Variants in DAPP1 observed in about 807,000 individuals in gnomAD.
The protein encoded by DAPP1 is dual adaptor of phosphotyrosine and 3-phosphoinositides 1.
In DAPP1, 20 loss-of-function variants were observed where a neutral mutation model predicts 41.5. The ratio of observed to expected loss-of-function variants is 0.48; its 90% CI spans 0.34 to 0.70. DAPP1 has a LOEUF of 0.70. DAPP1 is among the 30% of genes least tolerant of loss of function. The pLI is 0.01. For missense variants in DAPP1, 233 were observed against 333.4 expected (o/e 0.70, Z 2.35); for synonymous variants, 113 against 116.2 (o/e 0.97, Z 0.18).
intron 1 of DAPP1, among the ~76,000 whole-genome samples, chr4:99,831,646 T>A (rs1723123871): frequency 6.6e-6 from 1 of 152,194 alleles, no homozygotes; most frequent in South Asian, 2.1e-4. Flanking sequence ...AGAAGAGGAA[T>A]CGCTGGTCAT....
chr4:99,847,985 TG>T (rs1426733471), intron 3 of DAPP1, among the ~76,000 whole-genome samples: 1 of 151,890 alleles, frequency 6.6e-6, no homozygotes, highest in Non-Finnish European at 1.5e-5. Flanking sequence ...GGCTAATTTT[TG>T]TATTTGTAGT....
chr4:99,827,061 G>A (rs796736658), intron 1 of DAPP1, among the ~76,000 whole-genome samples: 4 of 152,254 alleles, frequency 2.6e-5, no homozygotes, highest in African/African-American at 9.6e-5. Context: ...GTGAATTAAA[G>A]TTTTCAGGCC....
At chr4:99,835,570 G>C in intron 1 of DAPP1, 53 bp from the exon 2 acceptor site, 3 of 1,598,446 alleles carry the variant, frequency 1.9e-6, no homozygotes, top group Non-Finnish European at 2.6e-6. Flanking sequence ...CCAGTGCAGG[G>C]GGAGTCATGC....
chr4:99,859,869 T>A (rs909210369), intron 4 of DAPP1, among the ~76,000 whole-genome samples: 1 of 152,146 alleles, frequency 6.6e-6, no homozygotes, highest in Admixed American at 6.5e-5. Context: ...CTGCTGCCAC[T>A]GTCACTGCCA....
At position 99,867,224 on chromosome 4, in the gene DAPP1, A is replaced by G. The variant is rs1724491870; in HGVS notation, c.775-893A>G. On this transcript the variant is annotated intron_variant, in intron 8 of 8. Coordinates refer to ENST00000512369, the MANE Select transcript of DAPP1 (RefSeq NM_014395.3). ...TACCATTCATTTTTAAATTCTTCCAATGTATCAGTGAGGGATAATTTGTCT... is the reference window on the plus strand; with the variant it reads ...TACCATTCATTTTTAAATTCTTCCAGTGTATCAGTGAGGGATAATTTGTCT... Among the ~76,000 whole-genome samples the G allele has an allele frequency of 1.3e-5, 2 of 152,162 alleles. 1 individual carries two copies. The highest frequency in any genetic ancestry group is 1.3e-4 in the Admixed American group (2 of 15,286).
At chr4:99,817,463 T>A (rs1013989723) in intron 1 of DAPP1, among the ~76,000 whole-genome samples, 1 of 152,220 alleles carries the variant, frequency 6.6e-6, no homozygotes, top group Non-Finnish European at 1.5e-5. Context: ...GAGGGACTTT[T>A]TCAAAAGACA....
At chr4:99,865,970 A>AAAATATAT (rs1553942239) in intron 7 of DAPP1, 64 bp from the exon 8 acceptor site, 1 of 77,578 alleles carries the variant, frequency 1.3e-5, no homozygotes, top group African/African-American at 7.1e-5. Context: ...TATATATTAT[A>AAAATATAT]TATATATATA....
chr4:99,849,670 C>T (rs1486499183), intron 3 of DAPP1, among the ~76,000 whole-genome samples: 1 of 152,186 alleles, frequency 6.6e-6, no homozygotes, highest in African/African-American at 2.4e-5. Flanking sequence ...AGGACGTCCA[C>T]ATGTCTCCCT....
intron 2 of DAPP1, among the ~76,000 whole-genome samples, chr4:99,836,471 C>T (rs1474632123): frequency 6.6e-6 from 1 of 152,198 alleles, no homozygotes; most frequent in Admixed American, 6.5e-5. Flanking sequence ...TTAGGCGCTT[C>T]TCCATGGATT....
At chr4:99,819,765 C>T (rs904593969) in intron 1 of DAPP1, among the ~76,000 whole-genome samples, 5 of 151,836 alleles carry the variant, frequency 3.3e-5, no homozygotes, top group Non-Finnish European at 5.9e-5. Context: ...TTTTGATAGA[C>T]ATAAACAGAT....
At chr4:99,834,629 A>G (rs965092438) in intron 1 of DAPP1, among the ~76,000 whole-genome samples, 2 of 152,312 alleles carry the variant, frequency 1.3e-5, no homozygotes, top group Admixed American at 1.3e-4. Flanking sequence ...AAAGAGTGTG[A>G]GAGACCAAAA....
rs781263514 is a variant in DAPP1, at chr4:99,816,941, A to G, written c.28A>G (p.Lys10Glu). Residue 10 changes from lysine (K) to glutamate (E), a missense_variant, in exon 1 of 9, where the codon AAG becomes GAG. Coordinates refer to ENST00000512369, the MANE Select transcript of DAPP1 (RefSeq NM_014395.3). MGRAELLEG[K>E]MSTQDPSDLW... ...GGGCAGAGCAGAACTTCTAGAAGGG[A>G]AGATGAGCACCCAGGATCCCTCAGA... 6.2e-7 allele frequency: 1 copy of G among 1,609,260 alleles called. No individual in the cohort carries two copies. The highest frequency in any genetic ancestry group is 8.5e-7 in the Non-Finnish European group (1 of 1,177,938).
intron 4 of DAPP1, among the ~76,000 whole-genome samples, chr4:99,854,167 T>C (rs962165008): frequency 3.3e-5 from 5 of 152,192 alleles, no homozygotes; most frequent in African/African-American, 1.2e-4. Flanking sequence ...TTCAGTGCAA[T>C]TGGAGCACTC....
chr4:99,853,236 A>G lies in DAPP1; in HGVS notation c.377A>G (p.Lys126Arg). ...CATTCAGGCACTCTGATGGTTCTAA[A>G]ACATCCCTACCCAAGAAAAGTGGAA... ...GSETGTLMVL[K>R]HPYPRKVEEP... Residue 126 changes from lysine (K) to arginine (R), a missense_variant, in exon 4 of 9, where the codon AAA (lysine) becomes AGA (arginine). Coordinates refer to ENST00000512369, the MANE Select transcript of DAPP1 (RefSeq NM_014395.3). 6.2e-7 allele frequency: 1 copy of G among 1,613,960 alleles called. No homozygotes were observed. Among genetic ancestry groups the G allele is most frequent in the African/African-American group, 1.3e-5 (1 of 75,052 alleles).
At chr4:99,825,672 A>G (rs1464741284) in intron 1 of DAPP1, among the ~76,000 whole-genome samples, 2 of 152,180 alleles carry the variant, frequency 1.3e-5, no homozygotes, top group Admixed American at 6.5e-5. Flanking sequence ...GAGACTCTAG[A>G]GAATCTTTCT....
intron 8 of DAPP1, chr4:99,866,588 C>T: frequency 3.9e-6 from 3 of 766,268 alleles, no homozygotes; most frequent in Admixed American, 3.4e-5. Flanking sequence ...ATTTTGTCTG[C>T]TCTCTGTATA....
intron 1 of DAPP1, among the ~76,000 whole-genome samples, chr4:99,832,196 G>A (rs1374982813): frequency 6.6e-6 from 1 of 152,166 alleles, no homozygotes; most frequent in Non-Finnish European, 1.5e-5. Context: ...CTAGCACAAT[G>A]CCTTGCACAG....
chr4:99,852,165 C>G (rs1723885132), intron 3 of DAPP1, among the ~76,000 whole-genome samples: 1 of 152,156 alleles, frequency 6.6e-6, no homozygotes, highest in African/African-American at 2.4e-5. Flanking sequence ...CATTTAAACT[C>G]CTTTGTGTGC....
In DAPP1 at chr4:99,868,160, G is replaced by T. The variant is rs371219607; in HGVS notation, c.818G>T (p.Arg273Leu). ...CTCAACCAAGGGGAAGGCACGATCC[G>T]ATCTCGGTCGTTCATCTTTAAATAG... ...KQLNQGEGTIRSRSFIFK is the reference protein window; with the variant it reads ...KQLNQGEGTILSRSFIFK Residue 273 changes from arginine (R) to leucine (L), a missense_variant, in exon 9 of 9, where the codon CGA becomes CTA. By Grantham distance (102) the Arg-to-Leu change is moderately radical. Transcript: ENST00000512369. 13 of 1,613,820 alleles carry T rather than the reference G, an allele frequency of 8.1e-6. No homozygotes were observed. The highest frequency in any genetic ancestry group is 1.3e-5 in the African/African-American group (1 of 74,918).
Sources: gnomAD v4.1 joint callset for allele counts (sites outside exome capture counted in the v4.1 genomes callset) on GRCh38, gnomAD v4.1.1 for gene constraint, MANE v1.5 for transcripts, NCBI Gene and HGNC (gene_info 2026-07-23, HGNC 2026-07-21) for gene names.